Variants in RBFOX1 observed in about 807,000 individuals in gnomAD.
RBFOX1 encodes the protein RNA binding fox-1 homolog 1, also known as RNA binding protein fox-1 homolog 1.
RBFOX1 carries 8 observed loss-of-function variants against 57.7 expected under a neutral mutation model. That is an observed-to-expected ratio of 0.14 (90% CI 0.08 to 0.25). RBFOX1 has a LOEUF of 0.25. Ranked by LOEUF, RBFOX1 falls within the 10% of genes least tolerant of loss-of-function variation. The probability of loss-of-function intolerance (pLI) is 1.00; values close to 1 mark genes in which losing one functional copy is unlikely to be tolerated. For missense variants in RBFOX1, 611 were observed against 548.5 expected, an observed-to-expected ratio of 1.11 and a Z score of -1.14; for synonymous variants, 326 against 222.4, an observed-to-expected ratio of 1.47 and a Z score of -4.15.
chr16:6,968,040 C>T (rs946557005), intron 3 of RBFOX1, among the ~76,000 whole-genome samples: 2 of 152,152 alleles, frequency 1.3e-5, no homozygotes, highest in African/African-American at 4.8e-5. Context: ...TGTGGGCTCA[C>T]AGTGCTGGGA....
chr16:7,405,945 A>G (rs575941625), intron 4 of RBFOX1, among the ~76,000 whole-genome samples: 2 of 152,292 alleles, frequency 1.3e-5, no homozygotes, highest in African/African-American at 4.8e-5. Flanking sequence ...ACGACTGGGC[A>G]GTTGAGGGAT....
chr16:6,510,119 G>A (rs2096220912), intron 2 of RBFOX1, among the ~76,000 whole-genome samples: 1 of 152,112 alleles, frequency 6.6e-6, no homozygotes, highest in South Asian at 2.1e-4. Flanking sequence ...CCTCTATCCT[G>A]AGCTCTTTGA....
intron 6 of RBFOX1, among the ~76,000 whole-genome samples, chr16:7,584,215 A>G (rs577929416): frequency 1.1e-4 from 17 of 152,298 alleles, no homozygotes; most frequent in African/African-American, 4.1e-4. Flanking sequence ...TTTCAGAGAA[A>G]TATTGTTTGA....
At chr16:5,785,858 C>G (rs1160302079) in intron 3 of RBFOX1, among the ~76,000 whole-genome samples, 1 of 152,114 alleles carries the variant, frequency 6.6e-6, no homozygotes, top group Non-Finnish European at 1.5e-5. Flanking sequence ...AAAAATCTGC[C>G]TCTCTTCATT....
chr16:7,408,654 C>A (rs763552866), intron 4 of RBFOX1, among the ~76,000 whole-genome samples: 5 of 152,228 alleles, frequency 3.3e-5, no homozygotes, highest in Non-Finnish European at 7.3e-5. Context: ...TCCTACAGCA[C>A]GTTTCTCCAC....
chr16:6,548,272 A>T lies in RBFOX1; in HGVS notation c.-63-106331A>T, dbSNP rs2096923046. On this transcript the variant is annotated intron_variant, in intron 2 of 15. Transcript: ENST00000550418. Reference sequence around the variant, plus strand: ...GATGTCAGCAACTGTCAAAAAAGCTATAGTGTCCGAGATCATTTGAATCAT... The same window carrying T: ...GATGTCAGCAACTGTCAAAAAAGCTTTAGTGTCCGAGATCATTTGAATCAT... 2.0e-5 allele frequency among the ~76,000 whole-genome samples: 3 copies of T among 152,334 alleles called. No individual in the cohort carries two copies. In the South Asian group the frequency reaches 6.2e-4, roughly 32 times the overall value.
upstream of RBFOX1, among the ~76,000 whole-genome samples, chr16:6,016,829 G>C (rs2094996620): frequency 6.6e-6 from 1 of 152,144 alleles, no homozygotes; most frequent in Admixed American, 6.5e-5. Context: ...ACTCTACTTG[G>C]AATGCGAAAG....
At chr16:5,764,032 G>A (rs7190850) in intron 3 of RBFOX1, among the ~76,000 whole-genome samples, 3 of 152,064 alleles carry the variant, frequency 2.0e-5, no homozygotes, top group East Asian at 1.9e-4. Flanking sequence ...CTGTACCCCC[G>A]TGGTTAGAAT....
At chr16:6,931,281 C>G (rs2076465628) in intron 3 of RBFOX1, among the ~76,000 whole-genome samples, 1 of 133,034 alleles carries the variant, frequency 7.5e-6, no homozygotes, top group Non-Finnish European at 1.6e-5. Flanking sequence ...ATCTATCTAT[C>G]TGTCTGTCTG....
intron 3 of RBFOX1, among the ~76,000 whole-genome samples, chr16:6,855,122 C>G (rs761588547): frequency 6.6e-6 from 1 of 151,980 alleles, no homozygotes; most frequent in Non-Finnish European, 1.5e-5. Flanking sequence ...TTGACAGATT[C>G]CAGCACTATA....
intron 4 of RBFOX1, among the ~76,000 whole-genome samples, chr16:7,060,749 C>G (rs2053992730): frequency 6.6e-6 from 1 of 152,188 alleles, no homozygotes; most frequent in Admixed American, 6.5e-5. Flanking sequence ...GGTGCTTGTC[C>G]TATGCAAATT....
chr16:5,964,579 G>GTGTATATATGCATCTATATCTA (rs1277611072), intron 4 of RBFOX1, among the ~76,000 whole-genome samples: 4 of 151,866 alleles, frequency 2.6e-5, no homozygotes, highest in African/African-American at 9.7e-5. Context: ...GTATCTATGT[G>GTGTATATATGCATCTATATCTA]TGTATATATG....
chr16:6,067,548 C>G (rs1437835894), intron 1 of RBFOX1, among the ~76,000 whole-genome samples: 7 of 152,176 alleles, frequency 4.6e-5, no homozygotes, highest in African/African-American at 7.2e-5. Context: ...AATATCCAAA[C>G]TATTTTGATG....
chr16:7,505,001 A>C (rs1050459389), intron 4 of RBFOX1, among the ~76,000 whole-genome samples: 1 of 150,240 alleles, frequency 6.7e-6, no homozygotes, highest in African/African-American at 2.5e-5. Context: ...AGGATATTCT[A>C]ATGGGGAAAC....
chr16:5,441,860 C>G (rs2068094944), intron 1 of RBFOX1, among the ~76,000 whole-genome samples: 1 of 152,142 alleles, frequency 6.6e-6, no homozygotes, highest in Non-Finnish European at 1.5e-5. Context: ...TCACGAAAAA[C>G]AGATAGGGGA....
chr16:6,105,186 C>G (rs1207375622), intron 1 of RBFOX1, among the ~76,000 whole-genome samples: 3 of 152,182 alleles, frequency 2.0e-5, no homozygotes, highest in Non-Finnish European at 4.4e-5. Flanking sequence ...CCATGTGGGA[C>G]CACCCTCCAT....
intron 4 of RBFOX1, among the ~76,000 whole-genome samples, chr16:7,190,839 G>T (rs1177528562): frequency 6.6e-6 from 1 of 152,142 alleles, no homozygotes; most frequent in African/African-American, 2.4e-5. Flanking sequence ...TATCTGCATA[G>T]ACGCACATGA....
chr16:5,641,593 G>A (rs369738664), intron 3 of RBFOX1, among the ~76,000 whole-genome samples: 1 of 152,330 alleles, frequency 6.6e-6, no homozygotes, highest in African/African-American at 2.4e-5. Flanking sequence ...AGTGTGATAT[G>A]AATGGCACCC....
chr16:5,392,235 A>T (rs192393931), intron 1 of RBFOX1, among the ~76,000 whole-genome samples: 36 of 152,252 alleles, frequency 2.4e-4, no homozygotes, highest in African/African-American at 8.7e-4. Context: ...CCACTAAGGA[A>T]TTTGTTCATG....
Sources: gnomAD v4.1 joint callset for allele counts (sites outside exome capture counted in the v4.1 genomes callset) on GRCh38, gnomAD v4.1.1 for gene constraint, MANE v1.5 for transcripts, NCBI Gene and HGNC (gene_info 2026-07-23, HGNC 2026-07-21) for gene names.